Variants in NXPE4 observed in about 807,000 individuals in gnomAD.
NXPE4 encodes the protein NXPE family member 4.
Under a neutral mutation model 33.3 loss-of-function variants are expected in NXPE4, and 42 were observed. That is an observed-to-expected ratio of 1.26 (90% CI 0.98 to 1.63). The LOEUF is 1.63. Ranked by LOEUF, NXPE4 falls within the 40% of genes most tolerant of loss-of-function variation. NXPE4 has a pLI of 0.00. For missense variants in NXPE4, 709 were observed against 647.6 expected, an observed-to-expected ratio of 1.09 and a Z score of -1.03; for synonymous variants, 253 against 234.9, an observed-to-expected ratio of 1.08 and a Z score of -0.71.
chr11:114,656,024 AAACCCCATCATCTC>A, the NXPE4 span, among the ~76,000 whole-genome samples: 2 of 152,170 alleles, frequency 1.3e-5, no homozygotes, highest in Non-Finnish European at 2.9e-5. Context: ...TATATTTAGA[AAACCCCATCATCTC>A]AGCCCCAAAA....
chr11:114,639,244 A>T, the NXPE4 span, among the ~76,000 whole-genome samples: 2 of 151,604 alleles, frequency 1.3e-5, no homozygotes, highest in Non-Finnish European at 2.9e-5. Context: ...AATCAGCGAG[A>T]CTCTGTGGGC....
At chr11:114,621,616 G>A in the NXPE4 span, among the ~76,000 whole-genome samples, 1 of 150,666 alleles carries the variant, frequency 6.6e-6, no homozygotes, top group African/African-American at 2.4e-5. Context: ...TAACCACTGT[G>A]ACCCAGTGGA....
chr11:114,635,078 G>T, the NXPE4 span, among the ~76,000 whole-genome samples: 1 of 151,754 alleles, frequency 6.6e-6, no homozygotes, highest in Non-Finnish European at 1.5e-5. Flanking sequence ...TCACGATATT[G>T]ATTCTTCCTA....
At chr11:114,641,117 G>A in the NXPE4 span, among the ~76,000 whole-genome samples, 1 of 151,976 alleles carries the variant, frequency 6.6e-6, no homozygotes, top group African/African-American at 2.4e-5. Flanking sequence ...TAGTAGTCTG[G>A]TGCACGAGTA....
the NXPE4 span, among the ~76,000 whole-genome samples, chr11:114,620,415 G>A: frequency 6.6e-6 from 1 of 151,958 alleles, no homozygotes; most frequent in Admixed American, 6.6e-5. Context: ...GATAATAAGT[G>A]TTGAGTCATG....
chr11:114,600,686 G>T (rs1354078860), upstream of NXPE4, among the ~76,000 whole-genome samples: 3 of 151,928 alleles, frequency 2.0e-5, no homozygotes, highest in Non-Finnish European at 4.4e-5. Flanking sequence ...AATAGAAGAA[G>T]GACATTAACG....
chr11:114,617,627 G>A, the NXPE4 span, among the ~76,000 whole-genome samples: 1 of 151,886 alleles, frequency 6.6e-6, no homozygotes, highest in African/African-American at 2.4e-5. Flanking sequence ...GGTAACCACT[G>A]TTACCCAATG....
chr11:114,601,914 T>TATATATTATATTTATATATATTATATAA, the NXPE4 span, among the ~76,000 whole-genome samples: 11 of 39,786 alleles, frequency 2.8e-4, no homozygotes, highest in Non-Finnish European at 5.5e-4. Context: ...TATTATATAA[T>TATATATTATATTTATATATATTATATAA]TATATATAAT....
At chr11:114,605,597 A>G in the NXPE4 span, among the ~76,000 whole-genome samples, 1 of 151,886 alleles carries the variant, frequency 6.6e-6, no homozygotes, top group Non-Finnish European at 1.5e-5. Context: ...CTCGTCGGTA[A>G]CCACTGTTAC....
At chr11:114,607,327 C>T in the NXPE4 span, among the ~76,000 whole-genome samples, 1 of 130,598 alleles carries the variant, frequency 7.7e-6, no homozygotes. Context: ...ATTGTTAGCC[C>T]GTTGATACTA....
chr11:114,584,731 C>T (rs1949249938), intron 2 of NXPE4: 1 of 152,802 alleles, frequency 6.5e-6, no homozygotes. Flanking sequence ...CCTGCCTAGT[C>T]CCCAATCTTT....
At chr11:114,646,531 C>T in the NXPE4 span, among the ~76,000 whole-genome samples, 63 of 151,794 alleles carry the variant, frequency 4.2e-4, no homozygotes, top group Non-Finnish European at 7.9e-4. Context: ...TTTTAAAAAA[C>T]CTGAATTATA....
At chr11:114,582,229 A>G (rs1386298299) in intron 3 of NXPE4, 59 bp downstream of exon 3, 2 of 1,496,450 alleles carry the variant, frequency 1.3e-6, no homozygotes, top group East Asian at 2.3e-5. Context: ...TCTTTGGATC[A>G]GTATATAGGC....
At chr11:114,625,579 G>A in the NXPE4 span, among the ~76,000 whole-genome samples, 1 of 152,166 alleles carries the variant, frequency 6.6e-6, no homozygotes, top group South Asian at 2.1e-4. Context: ...ATTGCCTCGT[G>A]GGTAACCACT....
the NXPE4 span, among the ~76,000 whole-genome samples, chr11:114,644,144 G>A: frequency 6.6e-6 from 1 of 152,134 alleles, no homozygotes; most frequent in Admixed American, 6.5e-5. Flanking sequence ...ATCAGCTTAA[G>A]GAGATTTTGG....
chr11:114,618,011 C>T, the NXPE4 span, among the ~76,000 whole-genome samples: 7 of 151,566 alleles, frequency 4.6e-5, no homozygotes, highest in East Asian at 5.9e-4. Context: ...CAGTGTTACC[C>T]GCTGGATAAT....
the NXPE4 span, among the ~76,000 whole-genome samples, chr11:114,603,288 T>C: frequency 6.6e-6 from 1 of 151,284 alleles, no homozygotes; most frequent in Non-Finnish European, 1.5e-5. Flanking sequence ...AAGTATTGCC[T>C]CGTCTCCTAG....
the NXPE4 span, among the ~76,000 whole-genome samples, chr11:114,655,151 T>C: frequency 1.3e-5 from 2 of 152,240 alleles, no homozygotes; most frequent in South Asian, 4.1e-4. Flanking sequence ...TCATATCCTT[T>C]GCCTATTTTT....
the NXPE4 span, among the ~76,000 whole-genome samples, chr11:114,663,637 C>CTATCTATCATCTATCATCT: frequency 7.2e-6 from 1 of 138,754 alleles, no homozygotes; most frequent in Non-Finnish European, 1.5e-5. Flanking sequence ...ATCTATCTAT[C>CTATCTATCATCTATCATCT]ATCTATCCAT....
Sources: gnomAD v4.1 joint callset for allele counts (sites outside exome capture counted in the v4.1 genomes callset) on GRCh38, gnomAD v4.1.1 for gene constraint, MANE v1.5 for transcripts, NCBI Gene and HGNC (gene_info 2026-07-23, HGNC 2026-07-21) for gene names.